The following THNSL1 variants were observed in gnomAD, a reference collection of about 807,000 sequenced individuals.
The protein encoded by THNSL1 is threonine synthase like 1.
THNSL1 carries 48 observed loss-of-function variants against 50.4 expected under a neutral mutation model. The ratio of observed to expected loss-of-function variants is 0.95; its 90% CI spans 0.76 to 1.21. The LOEUF is 1.21. Among genes scored for constraint, THNSL1 ranks in the 50% most tolerant of loss-of-function variants. The pLI is 0.00. For missense variants in THNSL1, 896 were observed against 871.7 expected (o/e 1.03, Z -0.35); for synonymous variants, 309 against 306.1 (o/e 1.01, Z -0.10).
At chr10:24,975,004 G>A in the THNSL1 span, among the ~76,000 whole-genome samples, 1 of 152,086 alleles carries the variant, frequency 6.6e-6, no homozygotes, top group African/African-American at 2.4e-5. Context: ...TACTAAGTGG[G>A]TGGCAGCTGC....
the THNSL1 span, among the ~76,000 whole-genome samples, chr10:24,952,840 G>A: frequency 6.6e-6 from 1 of 151,786 alleles, no homozygotes; most frequent in East Asian, 2.0e-4. The surrounding 1 kb of genome is among the most constrained non-coding windows in gnomAD (Gnocchi z 5.1). Context: ...CCTGAGCGCG[G>A]GCCCCGGACG....
At chr10:24,988,338 A>ATATATATATTTATATATGTG in the THNSL1 span, among the ~76,000 whole-genome samples, 4 of 143,824 alleles carry the variant, frequency 2.8e-5, no homozygotes, top group African/African-American at 7.7e-5. Context: ...ATATATGTGT[A>ATATATATATTTATATATGTG]TATATATATT....
At chr10:24,970,914 C>T in the THNSL1 span, among the ~76,000 whole-genome samples, 1 of 152,158 alleles carries the variant, frequency 6.6e-6, no homozygotes, top group African/African-American at 2.4e-5. Context: ...ATCTCAGCTA[C>T]TCAGGAGGCT....
chr10:25,007,996 A>G, the THNSL1 span, among the ~76,000 whole-genome samples: 4 of 148,336 alleles, frequency 2.7e-5, no homozygotes, highest in African/African-American at 9.8e-5. Flanking sequence ...TATATAATAT[A>G]TAATATGAAT....
the THNSL1 span, among the ~76,000 whole-genome samples, chr10:24,972,382 C>T: frequency 9.9e-5 from 15 of 151,540 alleles, no homozygotes; most frequent in Admixed American, 9.9e-4. Context: ...GTGGCGGGTG[C>T]CTGTAATCCC....
intron 1 of THNSL1, among the ~76,000 whole-genome samples, chr10:25,021,173 A>G (rs1817829056): frequency 6.6e-6 from 1 of 152,154 alleles, no homozygotes; most frequent in Non-Finnish European, 1.5e-5. Context: ...TTCCTAGCCC[A>G]CTGTCAGTGA....
chr10:24,970,960 G>A, the THNSL1 span, among the ~76,000 whole-genome samples: 2 of 152,136 alleles, frequency 1.3e-5, no homozygotes, highest in African/African-American at 4.8e-5. Context: ...GGAGGCAGAG[G>A]CTGCAGTGAG....
chr10:25,017,908 C>T (rs1850639912), intron 1 of THNSL1, among the ~76,000 whole-genome samples: 1 of 152,158 alleles, frequency 6.6e-6, no homozygotes, highest in African/African-American at 2.4e-5. Context: ...ATGATAACGC[C>T]ATTAGCCAAG....
chr10:24,965,291 T>C, the THNSL1 span, among the ~76,000 whole-genome samples: 5 of 152,192 alleles, frequency 3.3e-5, no homozygotes, highest in East Asian at 9.6e-4. Flanking sequence ...TATCTTAGTA[T>C]CACTATCACC....
chr10:24,984,313 C>A, the THNSL1 span: 3 of 1,571,638 alleles, frequency 1.9e-6, no homozygotes, highest in African/African-American at 1.4e-5. Context: ...CAAGAAGGCA[C>A]GTGTTACTAT....
At chr10:24,985,009 T>A in the THNSL1 span, 1 of 900,542 alleles carries the variant, frequency 1.1e-6, no homozygotes, top group Non-Finnish European at 1.7e-6. Flanking sequence ...TAAAAGAAAC[T>A]GACAAAAATA....
chr10:24,994,194 A>G, the THNSL1 span, among the ~76,000 whole-genome samples: 1 of 151,616 alleles, frequency 6.6e-6, no homozygotes, highest in South Asian at 2.1e-4. Context: ...GTACATCACT[A>G]TTGCAATTTC....
chr10:25,016,062 C>G, upstream of THNSL1: 1 of 1,428,728 alleles, frequency 7.0e-7, no homozygotes, highest in African/African-American at 1.4e-5. Context: ...CACAGGTTCT[C>G]TCCTTCACAT....
At chr10:24,999,125 A>T in the THNSL1 span, among the ~76,000 whole-genome samples, 25 of 152,330 alleles carry the variant, frequency 1.6e-4, no homozygotes, top group Admixed American at 1.1e-3. Context: ...GTTGTTTATA[A>T]TTGAAGCCCC....
At chr10:24,964,747 C>T in the THNSL1 span, among the ~76,000 whole-genome samples, 2 of 152,182 alleles carry the variant, frequency 1.3e-5, no homozygotes, top group Admixed American at 6.5e-5. Flanking sequence ...GTGAGCTTCC[C>T]TTCTTAGACC....
the THNSL1 span, among the ~76,000 whole-genome samples, chr10:24,992,054 G>C: frequency 7.9e-5 from 12 of 152,252 alleles, no homozygotes; most frequent in Admixed American, 7.9e-4. Context: ...ACGACTGACA[G>C]TGAAGCCATC....
chr10:25,025,180 G>T lies in THNSL1; in HGVS notation c.1957G>T (p.Val653Leu), dbSNP rs767426518. The T allele has an allele frequency of 1.2e-6, 2 of 1,614,138 alleles. No homozygotes were observed. The highest frequency in any genetic ancestry group is 1.1e-5 in the South Asian group (1 of 91,076). The stretch of plus-strand genomic sequence containing the variant: ...TGTTGCAAAAGTGGTTGCAGATAGG[G>T]TGCAAGACAAAACTTGCCCTGTGAT... ...TAVAKVVADR[V>L]QDKTCPVIIS... is the part of the protein sequence containing the mutation. The change falls in exon 3 of 3, where the codon GTG becomes TTG. Residue 653 changes from valine (V) to leucine (L), a missense_variant. Val to Leu is a conservative substitution (Grantham distance 32). Transcript: ENST00000376356.
the THNSL1 span, among the ~76,000 whole-genome samples, chr10:24,986,209 T>C: frequency 6.6e-6 from 1 of 152,248 alleles, no homozygotes; most frequent in East Asian, 1.9e-4. Flanking sequence ...TAAGCTCTTG[T>C]ACAAATTTAA....
At chr10:24,962,692 T>C in the THNSL1 span, among the ~76,000 whole-genome samples, 1 of 152,244 alleles carries the variant, frequency 6.6e-6, no homozygotes, top group African/African-American at 2.4e-5. Context: ...AGCCATTGTA[T>C]ATGCCATTCG....
Sources: allele counts gnomAD v4.1 joint callset (sites outside exome capture counted in the v4.1 genomes callset), GRCh38; gene constraint gnomAD v4.1.1; non-coding constraint Gnocchi (gnomAD v3.1); transcripts MANE v1.5; gene names NCBI Gene and HGNC (gene_info 2026-07-23, HGNC 2026-07-21).